Variants in RIN2 observed in about 807,000 individuals in gnomAD.
RIN2 encodes Ras and Rab interactor 2, also known as RAB5 interacting protein 2.
RIN2 carries 36 observed loss-of-function variants against 78.0 expected under a neutral mutation model. The observed-to-expected ratio is 0.46, with a 90% CI of 0.35 to 0.61. RIN2 has a LOEUF of 0.61. RIN2 is among the 20% of genes least tolerant of loss of function. RIN2 has a pLI of 0.00. For missense variants in RIN2, 1,087 were observed against 1,159.7 expected, an observed-to-expected ratio of 0.94 and a Z score of 0.91; for synonymous variants, 466 against 466.8, an observed-to-expected ratio of 1.00 and a Z score of 0.02.
intron 3 of RIN2, among the ~76,000 whole-genome samples, chr20:19,926,759 G>A (rs2040240600): frequency 6.6e-6 from 1 of 152,190 alleles, no homozygotes; most frequent in Non-Finnish European, 1.5e-5. Flanking sequence ...TAAGTTTCAA[G>A]TCTTCAACAT....
chr20:19,986,937 T>C (rs181374684), intron 9 of RIN2, among the ~76,000 whole-genome samples: 2 of 152,364 alleles, frequency 1.3e-5, no homozygotes, highest in East Asian at 3.9e-4. Flanking sequence ...ATCCCTGGTG[T>C]CCTGTCCTGG....
intron 11 of RIN2, among the ~76,000 whole-genome samples, chr20:19,996,397 A>G (rs546564203): frequency 1.3e-5 from 2 of 152,220 alleles, no homozygotes; most frequent in Middle Eastern, 3.4e-3. Flanking sequence ...TGGAAATCCC[A>G]TCATTGAAAA....
chr20:19,872,355 A>C (rs1299702795), intron 2 of RIN2: 2 of 152,202 alleles, frequency 1.3e-5, no homozygotes, highest in African/African-American at 2.4e-5. Context: ...TAGTCTTTGA[A>C]GAATAGGCAG....
chr20:19,823,701 G>A (rs2035996305), intron 2 of RIN2: 8 of 1,585,872 alleles, frequency 5.0e-6, no homozygotes, highest in African/African-American at 2.7e-5. Context: ...GGGCTTTGAT[G>A]ATCATGGCAG....
intron 3 of RIN2, among the ~76,000 whole-genome samples, chr20:19,922,146 G>A (rs963339578): frequency 2.8e-4 from 43 of 152,298 alleles, no homozygotes; most frequent in African/African-American, 9.9e-4. Context: ...GATTACAGGC[G>A]TGAGCCACTG....
chr20:19,851,662 C>CAG (rs1434277376), intron 2 of RIN2, among the ~76,000 whole-genome samples: 1 of 152,054 alleles, frequency 6.6e-6, no homozygotes, highest in African/African-American at 2.4e-5. Flanking sequence ...GTCGAGAATG[C>CAG]AGTGAGTTAT....
At chr20:19,848,738 C>T (rs975213571) in intron 2 of RIN2, among the ~76,000 whole-genome samples, 3 of 151,788 alleles carry the variant, frequency 2.0e-5, no homozygotes, top group East Asian at 1.9e-4. Context: ...ATAGGTTTAT[C>T]GTGAGTTTAT....
intron 3 of RIN2, among the ~76,000 whole-genome samples, chr20:19,913,670 G>C (rs1201165636): frequency 6.6e-6 from 1 of 152,080 alleles, no homozygotes; most frequent in African/African-American, 2.4e-5. Flanking sequence ...CCTACAAGTG[G>C]AATCATACAG....
intron 3 of RIN2, among the ~76,000 whole-genome samples, chr20:19,898,950 A>G (rs776314586): frequency 2.6e-5 from 4 of 152,262 alleles, no homozygotes; most frequent in Non-Finnish European, 5.9e-5. Context: ...ACTACCTATC[A>G]GAATCAATGT....
intron 2 of RIN2, chr20:19,809,144 T>G (rs1287596658): frequency 2.0e-5 from 3 of 152,322 alleles, no homozygotes; most frequent in African/African-American, 4.8e-5. Context: ...CCCAAGTGAC[T>G]GATGCAAACC....
intron 7 of RIN2, among the ~76,000 whole-genome samples, chr20:19,969,480 C>A (rs192245293): frequency 6.6e-6 from 1 of 152,298 alleles, no homozygotes; most frequent in Admixed American, 6.5e-5. Flanking sequence ...GCTGCCTGCT[C>A]ACGAAGACTT....
intron 2 of RIN2, among the ~76,000 whole-genome samples, chr20:19,866,588 G>A (rs568233114): frequency 1.2e-3 from 188 of 152,088 alleles, no homozygotes; most frequent in African/African-American, 4.3e-3. Flanking sequence ...AAACATTAAC[G>A]TGAAATTGTG....
intron 2 of RIN2, among the ~76,000 whole-genome samples, chr20:19,862,637 T>G (rs2037379210): frequency 6.6e-6 from 1 of 152,100 alleles, no homozygotes. Context: ...AAAACAGAGT[T>G]GAACTCAATC....
chr20:19,844,600 CCTCT>C (rs2036682663), intron 2 of RIN2, among the ~76,000 whole-genome samples: 2 of 74,898 alleles, frequency 2.7e-5, no homozygotes, highest in East Asian at 9.2e-4. Context: ...GCTGCTTCTT[CCTCT>C]TCTTCTTCTT....
At chr20:19,901,979 G>A (rs2039004079) in intron 3 of RIN2, among the ~76,000 whole-genome samples, 1 of 134,732 alleles carries the variant, frequency 7.4e-6, no homozygotes, top group Non-Finnish European at 1.5e-5. Flanking sequence ...TGGCACCACT[G>A]CACTTCAGCC....
chr20:19,993,311 G>T (rs1288794696), intron 11 of RIN2, among the ~76,000 whole-genome samples: 1 of 151,754 alleles, frequency 6.6e-6, no homozygotes, highest in Admixed American at 6.6e-5. Flanking sequence ...CTGGGCTTGA[G>T]TAGAAAGGTC....
At position 19,976,838 on chromosome 20, in the gene RIN2, GTC is replaced by G. The variant is rs57267974; in HGVS notation, c.1762+1066_1762+1067del. On this transcript the variant is annotated intron_variant, in intron 9 of 12. Coordinates refer to ENST00000255006, the MANE Select transcript of RIN2 (RefSeq NM_018993.4). ...GATAGAGGGCTCTTTCTCTTTCTCT[GTC>G]TCTCTCTCTCTCTCCTCTCTTTTTT... 6.9e-3 allele frequency among the ~76,000 whole-genome samples: 1,036 copies of G among 151,160 alleles called. 9 individuals carry two copies. Among genetic ancestry groups the G allele is most frequent in the Admixed American group, 9.9e-3 (150 of 15,170 alleles).
intron 1 of RIN2, among the ~76,000 whole-genome samples, chr20:19,793,150 A>G (rs1420242427): frequency 6.6e-6 from 1 of 152,228 alleles, no homozygotes; most frequent in Non-Finnish European, 1.5e-5. Context: ...TTTTGTAGTC[A>G]CATTTTAGAA....
chr20:19,941,764 G>T (rs1461163176), intron 4 of RIN2, among the ~76,000 whole-genome samples: 1 of 152,086 alleles, frequency 6.6e-6, no homozygotes. Flanking sequence ...TTCTATGAGG[G>T]TTGACCAACT....
Sources: gnomAD v4.1 joint callset for allele counts (sites outside exome capture counted in the v4.1 genomes callset) on GRCh38, gnomAD v4.1.1 for gene constraint, MANE v1.5 for transcripts, NCBI Gene and HGNC (gene_info 2026-07-23, HGNC 2026-07-21) for gene names.